Variants in RBFOX1 observed in about 807,000 individuals in gnomAD.
RBFOX1 encodes RNA binding protein fox-1 homolog 1.
RBFOX1 carries 8 observed loss-of-function variants against 57.7 expected under a neutral mutation model. The ratio of observed to expected loss-of-function variants is 0.14; its 90% CI spans 0.08 to 0.25. RBFOX1 has a LOEUF of 0.25. Among genes scored for constraint, RBFOX1 ranks in the 10% least tolerant of loss-of-function variants. The pLI is 1.00. For synonymous variants in RBFOX1, 326 were observed against 222.4 expected (o/e 1.47, Z -4.15); for missense variants, 611 against 548.5 (o/e 1.11, Z -1.14).
At chr16:6,140,697 G>T (rs995084166) in intron 1 of RBFOX1, among the ~76,000 whole-genome samples, 1 of 152,168 alleles carries the variant, frequency 6.6e-6, no homozygotes, top group Non-Finnish European at 1.5e-5. Context: ...CTTTGTCAAG[G>T]ATAGAGTCAA....
At chr16:7,600,837 A>T (rs8062582) in intron 9 of RBFOX1, among the ~76,000 whole-genome samples, 73,273 of 152,084 alleles carry the variant, frequency 0.48, 21,101 homozygotes, top group Non-Finnish European at 0.63. Context: ...TGGAGGGTGT[A>T]GATACTATTC....
intron 3 of RBFOX1, among the ~76,000 whole-genome samples, chr16:5,717,687 T>C (rs905801219): frequency 6.6e-6 from 1 of 152,194 alleles, no homozygotes; most frequent in South Asian, 2.1e-4. Flanking sequence ...CAAAGGCCAG[T>C]ATATCATTTC....
chr16:6,606,228 C>T (rs990381102), intron 2 of RBFOX1, among the ~76,000 whole-genome samples: 1 of 152,202 alleles, frequency 6.6e-6, no homozygotes, highest in African/African-American at 2.4e-5. Flanking sequence ...AAATAGGAAT[C>T]CTGTGAAGTA....
At chr16:5,565,883 G>T (rs2046050254) in intron 2 of RBFOX1, among the ~76,000 whole-genome samples, 1 of 151,964 alleles carries the variant, frequency 6.6e-6, no homozygotes, top group Non-Finnish European at 1.5e-5. Context: ...ATCTTGAATT[G>T]TAGCTCCCAT....
chr16:6,690,724 A>T (rs959051722), intron 3 of RBFOX1, among the ~76,000 whole-genome samples: 12 of 148,202 alleles, frequency 8.1e-5, no homozygotes, highest in African/African-American at 2.2e-4. Context: ...ACTCCAGGAT[A>T]TTTCAAGTTC....
rs536560221 is a variant in RBFOX1 at position 5,735,888 on chromosome 16, AAAC to A, written c.319-131394_319-131392del. On this transcript the variant is annotated intron_variant, in intron 3 of 19. Transcript: ENST00000641259. Reference sequence around the variant, plus strand: ...AAGACTCTGTCTCAAAAAACAAATAAAACAACAACAACAACAACAACAAAACAA... The same window carrying A: ...AAGACTCTGTCTCAAAAAACAAATAAAACAACAACAACAACAACAAAACAA... Among the ~76,000 whole-genome samples, 814 of 152,050 alleles carry A rather than the reference AAAC, an allele frequency of 5.4e-3. 10 individuals are homozygous for A. The highest frequency in any genetic ancestry group is 0.019 in the African/African-American group (778 of 41,428).
At chr16:5,665,441 T>C (rs1010414955) in intron 3 of RBFOX1, among the ~76,000 whole-genome samples, 46 of 126,628 alleles carry the variant, frequency 3.6e-4, no homozygotes, top group African/African-American at 1.1e-3. Flanking sequence ...TTCTCTGGCC[T>C]CCTTCCTGAT....
At chr16:7,086,684 A>G (rs1185789424) in intron 4 of RBFOX1, among the ~76,000 whole-genome samples, 1 of 133,508 alleles carries the variant, frequency 7.5e-6, no homozygotes, top group Non-Finnish European at 1.6e-5. Flanking sequence ...AAAATTTCCT[A>G]GGTCTGCGAT....
chr16:6,498,809 C>A (rs1854161213), intron 2 of RBFOX1, among the ~76,000 whole-genome samples: 1 of 152,108 alleles, frequency 6.6e-6, no homozygotes, highest in Non-Finnish European at 1.5e-5. Context: ...GTTATTCCCA[C>A]CTGCTAGTTC....
At chr16:5,386,312 C>T (rs941988211) in intron 1 of RBFOX1, among the ~76,000 whole-genome samples, 1 of 151,968 alleles carries the variant, frequency 6.6e-6, no homozygotes, top group Non-Finnish European at 1.5e-5. Flanking sequence ...GGGAAATGAC[C>T]AGGTGTGGAT....
intron 3 of RBFOX1, among the ~76,000 whole-genome samples, chr16:7,021,948 TTTTC>T (rs2039308106): frequency 6.9e-6 from 1 of 144,070 alleles, no homozygotes; most frequent in Admixed American, 7.0e-5. Context: ...TCTTTCTTTC[TTTTC>T]TTTCTCTCTC....
intron 1 of RBFOX1, among the ~76,000 whole-genome samples, chr16:6,182,605 CAT>C (rs1261431917): frequency 3.9e-5 from 6 of 152,092 alleles, no homozygotes; most frequent in African/African-American, 1.4e-4. Context: ...TATTATTAGA[CAT>C]ATAGTTGTTT....
intron 2 of RBFOX1, among the ~76,000 whole-genome samples, chr16:6,516,333 T>C (rs1439920009): frequency 6.6e-6 from 1 of 152,218 alleles, no homozygotes; most frequent in Admixed American, 6.5e-5. Context: ...TAAGCTGCTA[T>C]CTAATCCTCA....
chr16:7,193,068 C>T (rs9938311), intron 4 of RBFOX1, among the ~76,000 whole-genome samples: 28,899 of 152,100 alleles, frequency 0.19, 2,977 homozygotes, highest in East Asian at 0.37. Context: ...TTGGGTTACA[C>T]TGCAAAGGAA....
In RBFOX1 at chr16:5,553,317, TA is replaced by T. The variant is rs1301400215; in HGVS notation, c.259-45584del. ...GTAAGGTGTATGCCATATGTCTGAATATTTTTTTTTTTTTTTGAGATGGAGT... is the reference window on the plus strand; with the variant it reads ...GTAAGGTGTATGCCATATGTCTGAATTTTTTTTTTTTTTTTGAGATGGAGT... On this transcript the variant is annotated intron_variant, in intron 2 of 2. Transcript: ENST00000585867. Among the ~76,000 whole-genome samples the T allele has an allele frequency of 1.5e-4, 20 of 129,522 alleles. No homozygotes were observed. In the East Asian group the frequency reaches 2.2e-3, roughly 14 times the overall value. 85.0% of individuals were successfully genotyped at this position (129,522 alleles called of 152,430 possible).
intron 2 of RBFOX1, among the ~76,000 whole-genome samples, chr16:6,356,242 G>C (rs987173990): frequency 6.6e-6 from 1 of 152,154 alleles, no homozygotes; most frequent in Admixed American, 6.5e-5. Flanking sequence ...ATGGAGAAGG[G>C]AAGGAAAGGG....
chr16:7,608,225 C>G (rs924174818), intron 10 of RBFOX1, among the ~76,000 whole-genome samples: 1 of 152,168 alleles, frequency 6.6e-6, no homozygotes, highest in Non-Finnish European at 1.5e-5. Context: ...AGTCATACCC[C>G]TTGCTTTGTT....
intron 3 of RBFOX1, among the ~76,000 whole-genome samples, chr16:6,750,303 T>G (rs2074671920): frequency 6.6e-6 from 1 of 152,186 alleles, no homozygotes; most frequent in Admixed American, 6.5e-5. Flanking sequence ...CTCACAGCAG[T>G]TCTTAGTTTT....
intron 1 of RBFOX1, among the ~76,000 whole-genome samples, chr16:6,205,335 A>G (rs1053619085): frequency 3.0e-4 from 45 of 152,200 alleles, no homozygotes; most frequent in African/African-American, 1.1e-3. Context: ...GCAATTTGGT[A>G]TTAAAATTTC....
Sources: gnomAD v4.1 joint callset for allele counts (sites outside exome capture counted in the v4.1 genomes callset) on GRCh38, gnomAD v4.1.1 for gene constraint, MANE v1.5 for transcripts, NCBI Gene and HGNC (gene_info 2026-07-23, HGNC 2026-07-21) for gene names.